SDCCAG8: variants seen among roughly 807,000 people sequenced by gnomAD.
SDCCAG8 encodes SHH signaling and ciliogenesis regulator SDCCAG8.
SDCCAG8 carries 74 observed loss-of-function variants against 101.8 expected under a neutral mutation model. That is an observed-to-expected ratio of 0.73 (90% CI 0.60 to 0.88). SDCCAG8 has a LOEUF of 0.88. Ranked by LOEUF, SDCCAG8 falls within the 40% of genes least tolerant of loss-of-function variation. SDCCAG8 has a pLI of 0.00. For synonymous variants in SDCCAG8, 281 were observed against 292.9 expected, an observed-to-expected ratio of 0.96 and a Z score of 0.41; for missense variants, 787 against 822.6, an observed-to-expected ratio of 0.96 and a Z score of 0.53.
chr1:243,463,446 G>T (rs201079695), intron 16 of SDCCAG8, among the ~76,000 whole-genome samples: 8 of 140,702 alleles, frequency 5.7e-5, no homozygotes, highest in Non-Finnish European at 1.0e-4. Flanking sequence ...CTGGCTGACA[G>T]CCCTGACATC....
chr1:243,389,640 T>C (rs2078576554), intron 13 of SDCCAG8, among the ~76,000 whole-genome samples: 1 of 152,222 alleles, frequency 6.6e-6, no homozygotes, highest in Non-Finnish European at 1.5e-5. Context: ...TAAAAAACTA[T>C]TTGCAAAAGA....
chr1:243,296,207 G>A (rs1202573253), intron 6 of SDCCAG8, among the ~76,000 whole-genome samples: 4 of 152,102 alleles, frequency 2.6e-5, no homozygotes, highest in African/African-American at 9.7e-5. Flanking sequence ...TGCTGCTCAA[G>A]CTAGTCTCAA....
chr1:243,423,522 G>A (rs534863111), intron 15 of SDCCAG8, among the ~76,000 whole-genome samples: 185 of 152,180 alleles, frequency 1.2e-3, no homozygotes, highest in Non-Finnish European at 2.4e-3. Flanking sequence ...AGAATTATTA[G>A]GCTTTTAAGA....
intron 16 of SDCCAG8, among the ~76,000 whole-genome samples, chr1:243,451,250 A>G (rs375941330): frequency 2.2e-4 from 34 of 152,354 alleles, no homozygotes; most frequent in African/African-American, 8.2e-4. Flanking sequence ...TAAAGATTTC[A>G]TAGGCACAAA....
intron 10 of SDCCAG8, among the ~76,000 whole-genome samples, chr1:243,339,347 A>C (rs1179387764): frequency 6.6e-6 from 1 of 152,200 alleles, no homozygotes; most frequent in African/African-American, 2.4e-5. Context: ...CTGGTAATTA[A>C]AGTTTGTTCC....
chr1:243,431,654 T>C (rs1364726782), intron 16 of SDCCAG8, among the ~76,000 whole-genome samples: 2 of 151,670 alleles, frequency 1.3e-5, no homozygotes, highest in Non-Finnish European at 2.9e-5. Flanking sequence ...GCAGTGCCAT[T>C]TTTTTTTTCT....
At chr1:243,385,324 A>G (rs1421833994) in intron 13 of SDCCAG8, among the ~76,000 whole-genome samples, 1 of 152,178 alleles carries the variant, frequency 6.6e-6, no homozygotes, top group Non-Finnish European at 1.5e-5. Flanking sequence ...CAGGAGGTCA[A>G]GGCTGCAGTG....
chr1:243,456,688 T>G (rs570988394), intron 16 of SDCCAG8, among the ~76,000 whole-genome samples: 5 of 152,218 alleles, frequency 3.3e-5, no homozygotes, highest in African/African-American at 1.2e-4. Context: ...TTGGCTTGGT[T>G]TTGGTAAAGG....
At chr1:243,260,343 A>G (rs2067108071) in intron 1 of SDCCAG8, among the ~76,000 whole-genome samples, 1 of 152,208 alleles carries the variant, frequency 6.6e-6, no homozygotes, top group Non-Finnish European at 1.5e-5. Flanking sequence ...CATTTACTCT[A>G]TGGGTAGTTA....
chr1:243,299,616 A>G (rs1274529336), intron 6 of SDCCAG8, among the ~76,000 whole-genome samples: 1 of 151,596 alleles, frequency 6.6e-6, no homozygotes, highest in African/African-American at 2.4e-5. Context: ...GTTTCATCAT[A>G]TTGGTCAGGC....
chr1:243,293,500 T>C lies in SDCCAG8; in HGVS notation c.675+281T>C, dbSNP rs145402854. On this transcript the variant is annotated intron_variant, in intron 6 of 17. Coordinates refer to ENST00000366541, the MANE Select transcript of SDCCAG8 (RefSeq NM_006642.5). ...TGACCTCTCTTCAACTTTCGGTCTG[T>C]ATAAATTTGCCTATTTCAGATACTT... 3,090 of 561,864 alleles carry C rather than the reference T, an allele frequency of 5.5e-3. 103 individuals carry two copies. Among genetic ancestry groups the C allele is most frequent in the Admixed American group, 0.045 (2,057 of 45,732 alleles). The allele number at this position is 561,864 out of a possible 1,614,324, so 34.8% of individuals were successfully genotyped here.
intron 16 of SDCCAG8, among the ~76,000 whole-genome samples, chr1:243,456,031 G>C (rs557590561): frequency 1.3e-5 from 2 of 152,318 alleles, no homozygotes; most frequent in Non-Finnish European, 2.9e-5. Flanking sequence ...TGGGCTGATC[G>C]CTGGTCTACA....
intron 9 of SDCCAG8, among the ~76,000 whole-genome samples, chr1:243,323,394 C>T (rs1261812519): frequency 6.6e-6 from 1 of 151,984 alleles, no homozygotes; most frequent in South Asian, 2.1e-4. Flanking sequence ...AATGTCTCCT[C>T]TCCTTATTTC....
chr1:243,341,231 G>T, intron 11 of SDCCAG8, 58 bp downstream of exon 11: 1 of 1,589,932 alleles, frequency 6.3e-7, no homozygotes, highest in Non-Finnish European at 8.6e-7. Context: ...TTTGAAAAAT[G>T]TTTTCCTAAT....
At chr1:243,260,726 A>G (rs1180239148) in intron 1 of SDCCAG8, among the ~76,000 whole-genome samples, 1 of 152,240 alleles carries the variant, frequency 6.6e-6, no homozygotes, top group African/African-American at 2.4e-5. Flanking sequence ...TTGGGTGAGT[A>G]TAAGGAAAAA....
rs1454384079 is a variant in SDCCAG8, at chr1:243,304,723, AACTT to A, written c.692_695del (p.Thr231MetfsTer12). On this transcript the variant is annotated frameshift_variant, in exon 7 of 18. Transcript: ENST00000366541. LOFTEE classifies it high-confidence loss of function. ...TTTTCTTTTCTATAGGAGAAGCTAAAACTTACTTATGAGGAAAAGTGTGAAATTG... is the reference window on the plus strand; with the variant it reads ...TTTTCTTTTCTATAGGAGAAGCTAAAACTTATGAGGAAAAGTGTGAAATTG... The A allele has an allele frequency of 4.4e-6, 7 of 1,575,364 alleles. No homozygotes were observed. Among genetic ancestry groups the A allele is most frequent in the Non-Finnish European group, 6.1e-6 (7 of 1,145,168 alleles).
At position 243,487,274 on chromosome 1, in the gene SDCCAG8, C is replaced by A. The variant is rs372065791; in HGVS notation, c.1986-1740C>A. 6.6e-5 allele frequency among the ~76,000 whole-genome samples: 10 copies of A among 152,228 alleles called. No individual in the cohort carries two copies. In the East Asian group the frequency reaches 7.7e-4, roughly 12 times the overall value. ...CTGTTCAGGACAGCCCGGGCCCCCC[C>A]CTGGGGCCTTGCAGGAGAGCTTCTG... On this transcript the variant is annotated intron_variant, in intron 16 of 17. Coordinates refer to ENST00000366541, the MANE Select transcript of SDCCAG8 (RefSeq NM_006642.5).
chr1:243,486,814 C>G (rs1423627746), intron 16 of SDCCAG8, among the ~76,000 whole-genome samples: 3 of 152,252 alleles, frequency 2.0e-5, no homozygotes, highest in Non-Finnish European at 2.9e-5. Context: ...TGCCATGCAG[C>G]CATGTCATGG....
intron 6 of SDCCAG8, among the ~76,000 whole-genome samples, chr1:243,303,924 T>G (rs967420813): frequency 6.6e-6 from 1 of 152,052 alleles, no homozygotes; most frequent in African/African-American, 2.4e-5. Flanking sequence ...AATACAAAAA[T>G]TAGCCGGGCG....
Sources: gnomAD v4.1 joint callset for allele counts (sites outside exome capture counted in the v4.1 genomes callset) on GRCh38, gnomAD v4.1.1 for gene constraint, MANE v1.5 for transcripts, NCBI Gene and HGNC (gene_info 2026-07-23, HGNC 2026-07-21) for gene names.